The following STAU2 variants were observed in gnomAD, a reference collection of about 807,000 sequenced individuals.
STAU2 encodes the protein staufen double-stranded RNA binding protein 2.
In STAU2, 20 loss-of-function variants were observed where a neutral mutation model predicts 65.9. That is an observed-to-expected ratio of 0.30 (90% confidence interval 0.21 to 0.44). STAU2 has a LOEUF of 0.44. STAU2 is among the 20% of genes least tolerant of loss of function. The pLI, the probability that STAU2 is intolerant of heterozygous loss-of-function variation, is 1.00. For missense variants in STAU2, 558 were observed against 683.9 expected, an observed-to-expected ratio of 0.82 and a Z score of 2.05; for synonymous variants, 232 against 233.9, an observed-to-expected ratio of 0.99 and a Z score of 0.07.
chr8:73,502,938 T>C (rs1282680658), intron 13 of STAU2, among the ~76,000 whole-genome samples: 1 of 152,108 alleles, frequency 6.6e-6, no homozygotes, highest in African/African-American at 2.4e-5. Flanking sequence ...TAATTTTGTA[T>C]TTGGATTTAT....
chr8:73,735,101 T>G (rs1806340825), intron 3 of STAU2, among the ~76,000 whole-genome samples: 1 of 152,104 alleles, frequency 6.6e-6, no homozygotes, highest in Non-Finnish European at 1.5e-5. Context: ...ATCTAACTTT[T>G]TTTATTTTTT....
intron 6 of STAU2, among the ~76,000 whole-genome samples, chr8:73,664,002 C>T (rs1300216172): frequency 1.3e-5 from 2 of 152,082 alleles, no homozygotes; most frequent in African/African-American, 4.8e-5. Flanking sequence ...CAATATTCCC[C>T]CATTTGTTTC....
chr8:73,569,891 A>G (rs1209520485), intron 12 of STAU2, among the ~76,000 whole-genome samples: 1 of 152,236 alleles, frequency 6.6e-6, no homozygotes, highest in Admixed American at 6.5e-5. Context: ...AATTCTAAAA[A>G]TCAGAATGCC....
At chr8:73,648,915 T>C (rs571429848) in intron 6 of STAU2, among the ~76,000 whole-genome samples, 7 of 152,280 alleles carry the variant, frequency 4.6e-5, no homozygotes, top group South Asian at 4.1e-4. Context: ...CAGGCGATCC[T>C]CCTGCCTCAG....
At chr8:73,557,202 A>G (rs1401285062) in intron 12 of STAU2, among the ~76,000 whole-genome samples, 4 of 152,228 alleles carry the variant, frequency 2.6e-5, no homozygotes, top group African/African-American at 9.6e-5. Context: ...ACCTCACAGC[A>G]TAAGAACGTG....
intron 12 of STAU2, among the ~76,000 whole-genome samples, chr8:73,563,610 A>G (rs1437160996): frequency 6.6e-6 from 1 of 152,150 alleles, no homozygotes; most frequent in African/African-American, 2.4e-5. Context: ...GGTCCATAGG[A>G]TCTCTTTGTA....
intron 12 of STAU2, among the ~76,000 whole-genome samples, chr8:73,557,783 T>A (rs377454828): frequency 2.6e-5 from 4 of 152,352 alleles, no homozygotes; most frequent in Admixed American, 2.6e-4. Context: ...ACATCCATTA[T>A]ATTCATTCAC....
intron 13 of STAU2, among the ~76,000 whole-genome samples, chr8:73,461,537 G>A (rs925699939): frequency 6.6e-6 from 1 of 151,996 alleles, no homozygotes; most frequent in Non-Finnish European, 1.5e-5. Context: ...CAAATATGAG[G>A]TGACTTTGGA....
chr8:73,735,133 G>T (rs1471416472), intron 3 of STAU2, among the ~76,000 whole-genome samples: 1 of 152,078 alleles, frequency 6.6e-6, no homozygotes, highest in East Asian at 1.9e-4. Context: ...GTCCTACTAT[G>T]TTGCCCAAGC....
intron 12 of STAU2, among the ~76,000 whole-genome samples, chr8:73,567,886 T>C (rs1334848689): frequency 1.3e-5 from 2 of 152,022 alleles, no homozygotes; most frequent in Non-Finnish European, 2.9e-5. Flanking sequence ...ATGGTGGTGT[T>C]TATCTTAAAT....
At chr8:73,746,223 G>A (rs949679181) in intron 1 of STAU2, among the ~76,000 whole-genome samples, 3 of 151,782 alleles carry the variant, frequency 2.0e-5, no homozygotes, top group Non-Finnish European at 4.4e-5. Flanking sequence ...AGCTGCCGCC[G>A]CCACCCTCCG....
Position 73,739,873 on chromosome 8 carries a change from C to G in STAU2, c.-196-5G>C, listed in dbSNP as rs934369674. The G allele has an allele frequency of 1.0e-6, 1 of 986,086 alleles. No individual in the cohort carries two copies. The highest frequency in any genetic ancestry group is 1.5e-6 in the Non-Finnish European group (1 of 646,918). The allele number at this position is 986,086 out of a possible 1,614,324, so 61.1% of individuals were successfully genotyped here. A position where few individuals can be genotyped will look rare whatever the true frequency, so the allele number is the denominator to read the frequency against. ...AGTCCTTGTGGTAGGCAGCCTCTAA[C>G]AAATAGAATATAGCAGAAATAATGA... On this transcript the variant is annotated splice_region_variant and splice_polypyrimidine_tract_variant and intron_variant, in intron 1 of 14. Transcript: ENST00000524300.
intron 13 of STAU2, among the ~76,000 whole-genome samples, chr8:73,496,088 C>T (rs977641539): frequency 1.3e-5 from 2 of 151,262 alleles, no homozygotes; most frequent in African/African-American, 4.8e-5. Context: ...TAGAGACCCA[C>T]TTAAATAGAG....
chr8:73,687,282 A>ATTTATATTTAT, intron 5 of STAU2, among the ~76,000 whole-genome samples: 1 of 45,972 alleles, frequency 2.2e-5, no homozygotes, highest in Admixed American at 2.5e-4. Context: ...TTACATTTAT[A>ATTTATATTTAT]AAAATTTATA....
chr8:73,487,479 C>T (rs1820975052), intron 13 of STAU2, among the ~76,000 whole-genome samples: 1 of 152,070 alleles, frequency 6.6e-6, no homozygotes, highest in South Asian at 2.1e-4. Context: ...GAAGAATTTA[C>T]TTCTTTCTCC....
chr8:73,502,412 CT>C (rs1821813707), intron 13 of STAU2, among the ~76,000 whole-genome samples: 1 of 151,902 alleles, frequency 6.6e-6, no homozygotes, highest in South Asian at 2.1e-4. Context: ...ATTCGTCATC[CT>C]AGTGTCCAAG....
intron 3 of STAU2, among the ~76,000 whole-genome samples, chr8:73,724,675 G>GTGTGTGTA (rs144911202): frequency 2.1e-3 from 289 of 138,050 alleles, no homozygotes; most frequent in Non-Finnish European, 3.2e-3. Flanking sequence ...GTGTGTGTGT[G>GTGTGTGTA]TATATATATA....
chr8:73,695,193 A>G lies in STAU2; in HGVS notation c.115-6380T>C, dbSNP rs192039542. ...CCAGGAAGTGCAACTTGTAGCAACGAAAGTATCTACTTCCTTCTGCTTAAG... is the reference window on the plus strand; with the variant it reads ...CCAGGAAGTGCAACTTGTAGCAACGGAAGTATCTACTTCCTTCTGCTTAAG... On this transcript the variant is annotated intron_variant, in intron 4 of 14. Transcript: ENST00000524300. 3.9e-5 allele frequency among the ~76,000 whole-genome samples: 6 copies of G among 152,342 alleles called. 1 individual carries two copies. The highest frequency in any genetic ancestry group is 3.3e-4 in the Admixed American group (5 of 15,304).
intron 6 of STAU2, among the ~76,000 whole-genome samples, chr8:73,621,716 T>TATC (rs1368168412): frequency 6.6e-6 from 1 of 152,180 alleles, no homozygotes; most frequent in Non-Finnish European, 1.5e-5. Flanking sequence ...TCATCAGAAT[T>TATC]ATCTTCCATG....
Sources: allele counts gnomAD v4.1 joint callset (sites outside exome capture counted in the v4.1 genomes callset), GRCh38; gene constraint gnomAD v4.1.1; transcripts MANE v1.5; gene names NCBI Gene and HGNC (gene_info 2026-07-23, HGNC 2026-07-21).